Variants in CLASP1 observed in about 807,000 individuals in gnomAD.
The protein encoded by CLASP1 is cytoplasmic linker associated protein 1.
In CLASP1, 38 loss-of-function variants were observed where a neutral mutation model predicts 192.3. That is an observed-to-expected ratio of 0.20 (90% CI 0.15 to 0.26). The LOEUF is 0.26. Ranked by LOEUF, CLASP1 falls within the 10% of genes least tolerant of loss-of-function variation. CLASP1 has a pLI of 1.00. For missense variants in CLASP1, 1,433 were observed against 1,932.5 expected (o/e 0.74, Z 4.85); for synonymous variants, 691 against 712.8 (o/e 0.97, Z 0.49).
In CLASP1 at chr2:121,634,397, C is replaced by T. The variant is rs78499191; in HGVS notation, c.-286+14975G>A. On this transcript the variant is annotated intron_variant, in intron 1 of 39. Transcript: ENST00000263710. ...TCTTTAAAGACTCTCTGTTTTTAGG[C>T]CCATTTCTTATTAATGCCTTGTGTA... is the stretch of plus-strand genomic sequence containing the variant. Among the ~76,000 whole-genome samples, 637 of 152,180 alleles carry T rather than the reference C, an allele frequency of 4.2e-3. 17 individuals are homozygous for T. In the South Asian group the frequency reaches 0.051, roughly 12 times the overall value.
chr2:121,605,050 T>A (rs375984353), intron 2 of CLASP1, among the ~76,000 whole-genome samples: 1 of 152,308 alleles, frequency 6.6e-6, no homozygotes, highest in African/African-American at 2.4e-5. Flanking sequence ...TAGTTTTTAT[T>A]CAGGAAAACT....
intron 2 of CLASP1, among the ~76,000 whole-genome samples, chr2:121,598,060 T>A (rs2063346946): frequency 6.6e-6 from 1 of 152,216 alleles, no homozygotes; most frequent in African/African-American, 2.4e-5. Flanking sequence ...GGAGACCAGA[T>A]CAATGAGGAC....
chr2:121,531,207 A>C (rs1274740609), intron 2 of CLASP1, among the ~76,000 whole-genome samples: 1 of 152,094 alleles, frequency 6.6e-6, no homozygotes, highest in Non-Finnish European at 1.5e-5. Flanking sequence ...CCGATCATCA[A>C]CTGTTCTGTA....
chr2:121,515,369 C>T (rs2094258705), intron 7 of CLASP1, among the ~76,000 whole-genome samples: 1 of 152,134 alleles, frequency 6.6e-6, no homozygotes, highest in Admixed American at 6.5e-5. Flanking sequence ...ATCATAGATA[C>T]AGAACCATAA....
intron 1 of CLASP1, among the ~76,000 whole-genome samples, chr2:121,613,579 C>A (rs1038872402): frequency 2.0e-4 from 30 of 151,708 alleles, no homozygotes; most frequent in African/African-American, 7.0e-4. Flanking sequence ...CTCTAGCATG[C>A]ATCAAATAAG....
chr2:121,393,614 A>G (rs2074753029), intron 30 of CLASP1, among the ~76,000 whole-genome samples: 1 of 152,182 alleles, frequency 6.6e-6, no homozygotes, highest in Admixed American at 6.5e-5. Flanking sequence ...ATTCTTGGGT[A>G]AGGCAGCTGC....
At chr2:121,430,105 C>T (rs1363854779) in exon 20 of CLASP1, 4 of 1,574,124 alleles carry the variant, frequency 2.5e-6, no homozygotes, top group Non-Finnish European at 3.5e-6. Context: ...AGCGCGACTG[C>T]GGCCCCGGTT....
At chr2:121,527,885 T>C (rs761867238) in exon 5 of CLASP1, 1 of 1,613,012 alleles carries the variant, frequency 6.2e-7, no homozygotes. Context: ...TTCTGTCCCA[T>C]ACGTACTGCA....
intron 1 of CLASP1, among the ~76,000 whole-genome samples, chr2:121,636,597 G>A (rs1300905234): frequency 2.0e-5 from 3 of 151,782 alleles, no homozygotes; most frequent in South Asian, 2.1e-4. Flanking sequence ...CACAGGAGGC[G>A]GAGGTTGCAG....
exon 9 of CLASP1, chr2:121,469,865 C>T (rs367922299): frequency 3.2e-5 from 51 of 1,613,836 alleles, no homozygotes; most frequent in Middle Eastern, 1.6e-4. Context: ...CCCATTCCAA[C>T]GTTTCTCCGA....
At chr2:121,630,922 G>C (rs1251143258) in intron 1 of CLASP1, among the ~76,000 whole-genome samples, 1 of 151,144 alleles carries the variant, frequency 6.6e-6, no homozygotes, top group Admixed American at 6.6e-5. Flanking sequence ...CACTTTGGGA[G>C]GCCGAGGTGG....
At chr2:121,411,791 GA>G (rs2077743410) in intron 23 of CLASP1, among the ~76,000 whole-genome samples, 2 of 152,224 alleles carry the variant, frequency 1.3e-5, no homozygotes, top group South Asian at 4.2e-4. Context: ...CCTTCCTTAG[GA>G]AGTGCTGGAG....
At chr2:121,507,457 T>C (rs1246461083) in intron 7 of CLASP1, among the ~76,000 whole-genome samples, 1 of 152,010 alleles carries the variant, frequency 6.6e-6, no homozygotes, top group Non-Finnish European at 1.5e-5. Flanking sequence ...ACAAAACCAA[T>C]GTACCAACAT....
chr2:121,538,577 G>GGAGATGGAGACCATCTTGACC lies in CLASP1; in HGVS notation c.196-8273_196-8253dup. Among the ~76,000 whole-genome samples the GGAGATGGAGACCATCTTGACC allele has an allele frequency of 2.6e-5, 4 of 152,038 alleles. 1 individual carries two copies. The highest frequency in any genetic ancestry group is 1.9e-4 in the East Asian group (1 of 5,172). ...CCATGACGGGCAGATCACGAGGTCAGGAGATGGAGACCATCTTGACCAAGA... is the reference window on the plus strand; with the variant it reads ...CCATGACGGGCAGATCACGAGGTCAGGAGATGGAGACCATCTTGACCGAGATGGAGACCATCTTGACCAAGA... On this transcript the variant is annotated intron_variant, in intron 2 of 39. Coordinates refer to ENST00000263710, the Ensembl canonical transcript of CLASP1.
intron 2 of CLASP1, among the ~76,000 whole-genome samples, chr2:121,586,780 T>G (rs916455172): frequency 6.6e-6 from 1 of 152,212 alleles, no homozygotes; most frequent in South Asian, 2.1e-4. Flanking sequence ...TTGAAGCCCC[T>G]GAGGCCTAGG....
At chr2:121,504,020 C>G (rs2093852458) in intron 7 of CLASP1, 2 of 152,044 alleles carry the variant, frequency 1.3e-5, no homozygotes, top group Admixed American at 1.3e-4. Context: ...CGCCTGAGGT[C>G]AGGAGTTTGA....
chr2:121,434,453 T>TG (rs1483718975), intron 19 of CLASP1, among the ~76,000 whole-genome samples: 4 of 151,676 alleles, frequency 2.6e-5, no homozygotes, highest in Non-Finnish European at 5.9e-5. Flanking sequence ...TCTGTAGAGA[T>TG]GGGGGTCTCA....
At chr2:121,486,542 C>T (rs1446217932) in intron 8 of CLASP1, among the ~76,000 whole-genome samples, 3 of 142,580 alleles carry the variant, frequency 2.1e-5, no homozygotes, top group South Asian at 2.2e-4. Flanking sequence ...GAACCCAAAT[C>T]CCACAGATAT....
chr2:121,536,147 C>T (rs886794176), intron 2 of CLASP1, among the ~76,000 whole-genome samples: 6 of 150,904 alleles, frequency 4.0e-5, no homozygotes, highest in African/African-American at 1.2e-4. Context: ...TTTGGGAGGC[C>T]GAGGTGGGCA....
Sources: gnomAD v4.1 joint callset for allele counts (sites outside exome capture counted in the v4.1 genomes callset) on GRCh38, gnomAD v4.1.1 for gene constraint, MANE v1.5 for transcripts, NCBI Gene and HGNC (gene_info 2026-07-23, HGNC 2026-07-21) for gene names.